Variants in KLF12 observed in about 807,000 individuals in gnomAD.
KLF12 encodes Krueppel-like factor 12.
KLF12 carries 9 observed loss-of-function variants against 37.8 expected under a neutral mutation model. That is an observed-to-expected ratio of 0.24 (90% CI 0.14 to 0.42). KLF12 has a LOEUF of 0.42. Ranked by LOEUF, KLF12 falls within the 10% of genes least tolerant of loss-of-function variation. The pLI is 1.00. For missense variants in KLF12, 411 were observed against 516.0 expected, an observed-to-expected ratio of 0.80 and a Z score of 1.97; for synonymous variants, 208 against 202.1, an observed-to-expected ratio of 1.03 and a Z score of -0.25.
chr13:74,217,422 A>G, the KLF12 span, among the ~76,000 whole-genome samples: 1 of 152,090 alleles, frequency 6.6e-6, no homozygotes, highest in Non-Finnish European at 1.5e-5. Flanking sequence ...AACATTATTA[A>G]TTGCTAACAC....
the KLF12 span, among the ~76,000 whole-genome samples, chr13:74,261,902 C>G: frequency 6.6e-6 from 1 of 152,162 alleles, no homozygotes; most frequent in Non-Finnish European, 1.5e-5. Context: ...AGCTTCATGA[C>G]CAAATGAACA....
chr13:73,874,382 T>C (rs895321747), intron 3 of KLF12, among the ~76,000 whole-genome samples: 5 of 152,194 alleles, frequency 3.3e-5, no homozygotes, highest in African/African-American at 9.7e-5. Context: ...TTTAAGCAAT[T>C]ACGCACTACC....
At position 74,127,904 on chromosome 13, in the gene KLF12, T is replaced by C. The variant is rs142585849; in HGVS notation, c.-32+5835A>G. On this transcript the variant is annotated intron_variant, in intron 1 of 7. Coordinates refer to ENST00000377669, the MANE Select transcript of KLF12 (RefSeq NM_007249.5). Reference sequence around the variant, plus strand: ...ATTTAACTGGGGATTTGCAGTTCAATGTACTGCTTGAAATTATAGTATATC... The same window carrying C: ...ATTTAACTGGGGATTTGCAGTTCAACGTACTGCTTGAAATTATAGTATATC... Among the ~76,000 whole-genome samples the C allele has an allele frequency of 2.7e-3, 417 of 152,328 alleles. 3 individuals carry two copies. The highest frequency in any genetic ancestry group is 9.0e-3 in the African/African-American group (376 of 41,586).
the KLF12 span, among the ~76,000 whole-genome samples, chr13:74,281,801 A>G: frequency 5.3e-5 from 8 of 152,306 alleles, 1 homozygote; most frequent in African/African-American, 1.7e-4. Flanking sequence ...CAATAATTCA[A>G]TATCTCTCAC....
At chr13:74,054,048 T>C (rs1434674723) in intron 1 of KLF12, among the ~76,000 whole-genome samples, 1 of 152,202 alleles carries the variant, frequency 6.6e-6, no homozygotes, top group Non-Finnish European at 1.5e-5. Context: ...AACATTTGCA[T>C]GTATTTCATC....
intron 7 of KLF12, among the ~76,000 whole-genome samples, chr13:73,708,562 A>C (rs1875124847): frequency 6.6e-6 from 1 of 152,172 alleles, no homozygotes; most frequent in African/African-American, 2.4e-5. Context: ...TAGACCCAAC[A>C]TCTGGTTCTG....
chr13:73,919,054 T>C (rs1888990158), intron 3 of KLF12, among the ~76,000 whole-genome samples: 1 of 152,174 alleles, frequency 6.6e-6, no homozygotes, highest in African/African-American at 2.4e-5. Context: ...AAAGAGCACA[T>C]CTGCTCCTGA....
chr13:74,158,661 A>C, the KLF12 span, among the ~76,000 whole-genome samples: 1 of 152,204 alleles, frequency 6.6e-6, no homozygotes. Context: ...TTAGATTATT[A>C]GAATAAAAAG....
the KLF12 span, among the ~76,000 whole-genome samples, chr13:74,185,210 A>C: frequency 5.9e-5 from 9 of 152,220 alleles, no homozygotes; most frequent in African/African-American, 1.4e-4. Flanking sequence ...TAACACAATA[A>C]ATATTTTTTC....
chr13:73,957,648 A>T (rs1281588978), intron 2 of KLF12, among the ~76,000 whole-genome samples: 1 of 152,238 alleles, frequency 6.6e-6, no homozygotes, highest in Admixed American at 6.5e-5. Flanking sequence ...TCACAAAAAC[A>T]AAGAGTGACC....
At chr13:73,810,982 C>CTTTTTTTTTTTTTTTTTT (rs376490803) in intron 5 of KLF12, among the ~76,000 whole-genome samples, 2 of 44,818 alleles carry the variant, frequency 4.5e-5, no homozygotes, top group African/African-American at 1.7e-4. Context: ...ATTTTTCTTT[C>CTTTTTTTTTTTTTTTTTT]TTTTTTTTTT....
chr13:73,858,007 T>C (rs1397160385), intron 3 of KLF12, among the ~76,000 whole-genome samples: 1 of 152,162 alleles, frequency 6.6e-6, no homozygotes, highest in Non-Finnish European at 1.5e-5. Flanking sequence ...TACATGAAAA[T>C]AATACATGGA....
intron 3 of KLF12, among the ~76,000 whole-genome samples, chr13:73,881,966 C>T (rs944765221): frequency 1.3e-5 from 2 of 151,966 alleles, no homozygotes; most frequent in African/African-American, 4.8e-5. Context: ...TCCATACAAC[C>T]CAAAATAAAC....
intron 5 of KLF12, among the ~76,000 whole-genome samples, chr13:73,777,378 G>T (rs1037596787): frequency 1.3e-5 from 2 of 152,094 alleles, no homozygotes; most frequent in Non-Finnish European, 2.9e-5. Context: ...GGAAGATTTC[G>T]CTTCAGATGA....
intron 6 of KLF12, among the ~76,000 whole-genome samples, chr13:73,759,243 G>A (rs1255363909): frequency 6.6e-6 from 1 of 152,088 alleles, no homozygotes; most frequent in Non-Finnish European, 1.5e-5. Flanking sequence ...CAACACGCAT[G>A]GCTTAAAAAG....
chr13:73,752,780 G>A (rs1260238295), intron 6 of KLF12, among the ~76,000 whole-genome samples: 10 of 145,942 alleles, frequency 6.9e-5, no homozygotes, highest in South Asian at 2.2e-4. Flanking sequence ...GGTGTGGCAC[G>A]ATCTCAGCTC....
rs113071975 is a variant in KLF12, at chr13:73,746,680, G to A, written c.869+18258C>T. 1.1e-3 allele frequency among the ~76,000 whole-genome samples: 160 copies of A among 152,112 alleles called. 2 individuals carry two copies. Among genetic ancestry groups the A allele is most frequent in the African/African-American group, 3.8e-3 (158 of 41,496 alleles). ...ATTTTAATTGAGTGAAGTTTGATAA[G>A]AGTCTTAAAACATTCTATTTTATTT... On this transcript the variant is annotated intron_variant, in intron 6 of 7. Coordinates refer to ENST00000377669, the MANE Select transcript of KLF12 (RefSeq NM_007249.5).
At chr13:73,920,139 T>C (rs9543486) in intron 3 of KLF12, among the ~76,000 whole-genome samples, 71,451 of 152,070 alleles carry the variant, frequency 0.47, 18,223 homozygotes, top group Non-Finnish European at 0.57. Context: ...TACTATGAGA[T>C]GTAACTGGTG....
intron 7 of KLF12, among the ~76,000 whole-genome samples, chr13:73,711,340 G>C (rs1167942585): frequency 8.5e-5 from 13 of 152,190 alleles, no homozygotes; most frequent in Non-Finnish European, 1.5e-4. Flanking sequence ...CCTATTGAAA[G>C]ATGTCATGTA....
Sources: gnomAD v4.1 joint callset for allele counts (sites outside exome capture counted in the v4.1 genomes callset) on GRCh38, gnomAD v4.1.1 for gene constraint, MANE v1.5 for transcripts, NCBI Gene and HGNC (gene_info 2026-07-23, HGNC 2026-07-21) for gene names.